The following TEAD1 variants were observed in gnomAD, a reference collection of about 807,000 sequenced individuals.
TEAD1 encodes TEA domain transcription factor 1, also known as transcriptional enhancer factor TEF-1.
TEAD1 carries 9 observed loss-of-function variants against 54.9 expected under a neutral mutation model. The observed-to-expected ratio is 0.16, with a 90% CI of 0.10 to 0.29. The LOEUF is 0.29. Among genes scored for constraint, TEAD1 ranks in the 10% least tolerant of loss-of-function variants. The probability of loss-of-function intolerance (pLI) is 1.00; values close to 1 mark genes in which losing one functional copy is unlikely to be tolerated. For missense variants in TEAD1, 387 were observed against 535.9 expected (o/e 0.72, Z 2.74); for synonymous variants, 200 against 187.8 (o/e 1.07, Z -0.53).
chr11:12,773,081 A>G (rs1294249940), intron 3 of TEAD1, among the ~76,000 whole-genome samples: 1 of 151,846 alleles, frequency 6.6e-6, no homozygotes, highest in East Asian at 1.9e-4. Flanking sequence ...TTCCCGGGAG[A>G]TTCATCCAGG....
chr11:12,915,006 C>G (rs529430301), intron 10 of TEAD1, among the ~76,000 whole-genome samples: 1 of 152,326 alleles, frequency 6.6e-6, no homozygotes, highest in East Asian at 1.9e-4. Flanking sequence ...TTTTAAAATG[C>G]CAGCGTCTCG....
At chr11:12,854,892 AG>A (rs1262727996) in intron 3 of TEAD1, among the ~76,000 whole-genome samples, 5 of 151,522 alleles carry the variant, frequency 3.3e-5, no homozygotes, top group Non-Finnish European at 7.4e-5. Flanking sequence ...CACTGCACCC[AG>A]CTTGAGATGG....
chr11:12,795,367 G>A (rs1279144314), intron 3 of TEAD1, among the ~76,000 whole-genome samples: 1 of 152,158 alleles, frequency 6.6e-6, no homozygotes, highest in Non-Finnish European at 1.5e-5. Flanking sequence ...CTCTGAATAA[G>A]GTCAAATTTG....
chr11:12,749,624 A>G (rs1323426404), intron 2 of TEAD1, among the ~76,000 whole-genome samples: 2 of 152,206 alleles, frequency 1.3e-5, no homozygotes, highest in Non-Finnish European at 2.9e-5. Flanking sequence ...GAGAAGGCGC[A>G]GGCCTGATGT....
chr11:12,699,765 C>G (rs533674009), intron 2 of TEAD1, among the ~76,000 whole-genome samples: 2 of 152,302 alleles, frequency 1.3e-5, no homozygotes, highest in South Asian at 2.1e-4. Flanking sequence ...AATGAAATTT[C>G]GGTAACCAGA....
chr11:12,690,068 G>A (rs1353824392), intron 2 of TEAD1, among the ~76,000 whole-genome samples: 12 of 151,520 alleles, frequency 7.9e-5, no homozygotes, highest in Admixed American at 2.6e-4. Flanking sequence ...GTGAAACCCC[G>A]TCTCTACTAA....
intron 3 of TEAD1, among the ~76,000 whole-genome samples, chr11:12,839,537 G>C (rs1946979969): frequency 1.3e-5 from 2 of 152,226 alleles, no homozygotes; most frequent in Admixed American, 1.3e-4. Flanking sequence ...TTATGTCCCA[G>C]GTGCTAGGCT....
At chr11:12,827,498 C>G (rs931802457) in intron 3 of TEAD1, among the ~76,000 whole-genome samples, 3 of 152,170 alleles carry the variant, frequency 2.0e-5, no homozygotes, top group Non-Finnish European at 2.9e-5. Context: ...CCCTATTTTA[C>G]AAGTAGGAAA....
At chr11:12,789,145 C>T (rs1274141430) in intron 3 of TEAD1, among the ~76,000 whole-genome samples, 1 of 152,164 alleles carries the variant, frequency 6.6e-6, no homozygotes, top group East Asian at 1.9e-4. Context: ...AGTACATGCA[C>T]TTGAGGGTTA....
chr11:12,911,407 C>G (rs1397341607), intron 10 of TEAD1, among the ~76,000 whole-genome samples: 2 of 152,154 alleles, frequency 1.3e-5, no homozygotes, highest in Non-Finnish European at 2.9e-5. Context: ...CGTCCTGTTG[C>G]TATTCATGGA....
At chr11:12,834,201 G>C (rs1946836756) in intron 3 of TEAD1, among the ~76,000 whole-genome samples, 1 of 152,176 alleles carries the variant, frequency 6.6e-6, no homozygotes, top group Non-Finnish European at 1.5e-5. Context: ...TTAGTCAGTT[G>C]ACGTTTGTAG....
intron 9 of TEAD1, 112 bp from the exon 10 acceptor site, chr11:12,901,828 A>T: frequency 8.3e-7 from 1 of 1,208,216 alleles, no homozygotes; most frequent in Non-Finnish European, 1.2e-6. Context: ...CCTGGACTGG[A>T]AGGCCTAATT....
At chr11:12,871,531 T>G (rs1462334350) in intron 5 of TEAD1, among the ~76,000 whole-genome samples, 1 of 152,232 alleles carries the variant, frequency 6.6e-6, no homozygotes, top group South Asian at 2.1e-4. Context: ...TAGAGTTCCA[T>G]GCAGGAGTCT....
intron 5 of TEAD1, chr11:12,865,508 A>G (rs1426513463): frequency 1.3e-5 from 2 of 152,702 alleles, no homozygotes; most frequent in Admixed American, 6.5e-5. Flanking sequence ...TTATTAAAAG[A>G]GAAATCTGAG....
chr11:12,830,460 A>G (rs939371661), intron 3 of TEAD1, among the ~76,000 whole-genome samples: 2 of 152,074 alleles, frequency 1.3e-5, no homozygotes, highest in African/African-American at 4.8e-5. Flanking sequence ...TTCATGTTAC[A>G]TCTGGCTGCA....
At chr11:12,803,888 A>G (rs1426852524) in intron 3 of TEAD1, among the ~76,000 whole-genome samples, 3 of 152,230 alleles carry the variant, frequency 2.0e-5, no homozygotes, top group Non-Finnish European at 4.4e-5. Flanking sequence ...TAGGACGCCA[A>G]CACTTGTCCT....
chr11:12,755,827 C>T (rs893072424), intron 2 of TEAD1, among the ~76,000 whole-genome samples: 5 of 152,140 alleles, frequency 3.3e-5, no homozygotes, highest in Non-Finnish European at 7.3e-5. Flanking sequence ...GGTCTGTGGC[C>T]TTGTCCTTTT....
At chr11:12,857,464 C>G (rs1251826704) in intron 3 of TEAD1, among the ~76,000 whole-genome samples, 1 of 152,158 alleles carries the variant, frequency 6.6e-6, no homozygotes, top group East Asian at 1.9e-4. Context: ...AGACGGTCCC[C>G]AGGTGACTGC....
At chr11:12,700,939 C>T (rs867036342) in intron 2 of TEAD1, among the ~76,000 whole-genome samples, 2 of 152,122 alleles carry the variant, frequency 1.3e-5, no homozygotes, top group Admixed American at 6.6e-5. Context: ...CTGTGATGGT[C>T]GGTGAGAGAG....
Sources: gnomAD v4.1 joint callset for allele counts (sites outside exome capture counted in the v4.1 genomes callset) on GRCh38, gnomAD v4.1.1 for gene constraint, MANE v1.5 for transcripts, NCBI Gene and HGNC (gene_info 2026-07-23, HGNC 2026-07-21) for gene names.